Variants in UBE3C observed in about 807,000 individuals in gnomAD.
UBE3C encodes the protein ubiquitin protein ligase E3C.
UBE3C carries 42 observed loss-of-function variants against 129.4 expected under a neutral mutation model. The observed-to-expected ratio is 0.32, with a 90% CI of 0.25 to 0.42. UBE3C has a LOEUF of 0.42. UBE3C is among the 10% of genes least tolerant of loss of function. The pLI is 1.00. For synonymous variants in UBE3C, 510 were observed against 492.4 expected, an observed-to-expected ratio of 1.04 and a Z score of -0.47; for missense variants, 1,049 against 1,319.1, an observed-to-expected ratio of 0.80 and a Z score of 3.17.
intron 18 of UBE3C, among the ~76,000 whole-genome samples, chr7:157,237,208 G>A (rs1329146663): frequency 1.3e-5 from 2 of 152,070 alleles, no homozygotes; most frequent in Non-Finnish European, 2.9e-5. Flanking sequence ...TTGGGAGGCC[G>A]AGGTGGGCAG....
intron 18 of UBE3C, among the ~76,000 whole-genome samples, chr7:157,241,958 A>G (rs1358733748): frequency 6.6e-6 from 1 of 152,178 alleles, no homozygotes; most frequent in Admixed American, 6.5e-5. Context: ...AAACAGGAAA[A>G]TCTAGAGACA....
Position 157,267,686 on chromosome 7 carries a change from T to C in UBE3C, c.3183T>C (p.Tyr1061=). The C allele has an allele frequency of 6.2e-6, 10 of 1,613,706 alleles. No homozygotes were observed. The highest frequency in any genetic ancestry group is 7.6e-6 in the Non-Finnish European group (9 of 1,179,888). The change falls in exon 23 of 23, where the codon TAT becomes TAC. Residue 1061 remains tyrosine, a synonymous_variant. Coordinates refer to ENST00000348165, the MANE Select transcript of UBE3C (RefSeq NM_014671.3). ...ACCTGCTGAAGCTCCCCGAGTTCTA[T>C]GACGAGACACTTTTGCGAAGTAAAC... ...CMNLLKLPEF[Y]DETLLRSKLL...
chr7:157,250,412 C>T (rs1412908150), intron 19 of UBE3C, among the ~76,000 whole-genome samples: 3 of 152,046 alleles, frequency 2.0e-5, no homozygotes, highest in African/African-American at 7.2e-5. Context: ...ATCTCAAATT[C>T]CTGAGCTCAA....
chr7:157,202,840 G>A (rs190501761), intron 11 of UBE3C, among the ~76,000 whole-genome samples: 48 of 152,270 alleles, frequency 3.2e-4, no homozygotes, highest in African/African-American at 9.9e-4. Context: ...ATTCGGTGGT[G>A]GGAAGACACA....
At chr7:157,242,289 T>G (rs780671614) in intron 18 of UBE3C, among the ~76,000 whole-genome samples, 15 of 152,318 alleles carry the variant, frequency 9.8e-5, no homozygotes, top group Middle Eastern at 3.4e-3. Context: ...GATTAGAGCA[T>G]GAGCTGTTGT....
chr7:157,192,486 A>G, intron 10 of UBE3C: 1 of 757,252 alleles, frequency 1.3e-6, no homozygotes, highest in Non-Finnish European at 2.4e-6. Context: ...CCTCCTGATC[A>G]GCAAAGACTG....
intron 10 of UBE3C, among the ~76,000 whole-genome samples, chr7:157,199,227 T>G (rs1809209859): frequency 6.6e-6 from 1 of 152,236 alleles, no homozygotes; most frequent in South Asian, 2.1e-4. Context: ...TAATACCTTT[T>G]CAAATTATTT....
At chr7:157,206,181 CAAGG>C (rs1223578730) in intron 11 of UBE3C, among the ~76,000 whole-genome samples, 10 of 152,284 alleles carry the variant, frequency 6.6e-5, no homozygotes, top group African/African-American at 2.4e-4. Context: ...TTCCATAAGA[CAAGG>C]AACCAGACTT....
Position 157,267,947 on chromosome 7 carries a change from A to G in UBE3C, c.*192A>G, listed in dbSNP as rs77315883. The stretch of plus-strand genomic sequence containing the variant: ...GGTGTGGTCACTTATTTAGATGGAC[A>G]TTGCTTTTCAAATAACTTAAAATAA... On this transcript the variant is annotated 3_prime_UTR_variant, in exon 23 of 23. Coordinates refer to ENST00000348165, the MANE Select transcript of UBE3C (RefSeq NM_014671.3). 2,653 of 480,476 alleles carry G rather than the reference A, an allele frequency of 5.5e-3. 69 individuals carry two copies. The highest frequency in any genetic ancestry group is 0.049 in the African/African-American group (2,443 of 49,452). 29.8% of individuals were successfully genotyped at this position (480,476 alleles called of 1,614,324 possible).
chr7:157,151,184 G>A lies in UBE3C; in HGVS notation c.66+11846G>A, dbSNP rs1188456220. Among the ~76,000 whole-genome samples, 5 of 152,348 alleles carry A rather than the reference G, an allele frequency of 3.3e-5. No homozygotes were observed. In the East Asian group the frequency reaches 7.7e-4, roughly 23 times the overall value. On this transcript the variant is annotated intron_variant, in intron 1 of 22. Coordinates refer to ENST00000348165, the MANE Select transcript of UBE3C (RefSeq NM_014671.3). ...CTGTGGACATAATCCTGAAGCCACC[G>A]TAGAAGGGAGCTTCAGGTTTAGCTT...
Position 157,255,841 on chromosome 7 carries a change from A to G in UBE3C, c.2951-1073A>G, listed in dbSNP as rs75273169. ...CATTTCAGAATAGTGGTCTCATCAT[A>G]TAGTGAGATTGGTTGTTAGCCATGG... On this transcript the variant is annotated intron_variant, in intron 21 of 22. Coordinates refer to ENST00000348165, the MANE Select transcript of UBE3C (RefSeq NM_014671.3). 7.6e-3 allele frequency among the ~76,000 whole-genome samples: 1,157 copies of G among 152,360 alleles called. 8 individuals carry two copies. The highest frequency in any genetic ancestry group is 0.02 in the Middle Eastern group (6 of 294).
rs17837726 is a variant in UBE3C at position 157,207,530 on chromosome 7, C to T, written c.1551C>T (p.Asn517=). ...FSHSLISIHD[N]EFFGDPIEVV... ...ATTCACTAATTTCCATACATGATAA[C>T]GAATTCTTCGGTGATCCCATAGAAG... Residue 517 remains asparagine, a synonymous_variant, in exon 12 of 23, where the codon AAC becomes AAT. Transcript: ENST00000348165. 3.8e-3 allele frequency: 6,112 copies of T among 1,612,638 alleles called. 151 individuals are homozygous for T. In the South Asian group the frequency reaches 0.043, roughly 11 times the overall value.
chr7:157,157,742 A>G (rs1563031957), intron 1 of UBE3C, among the ~76,000 whole-genome samples: 1 of 152,160 alleles, frequency 6.6e-6, no homozygotes, highest in Non-Finnish European at 1.5e-5. Flanking sequence ...TGGGAGGCCA[A>G]GGTGGGTGGA....
chr7:157,191,067 G>T (rs1808949685), intron 10 of UBE3C, among the ~76,000 whole-genome samples: 1 of 152,138 alleles, frequency 6.6e-6, no homozygotes, highest in South Asian at 2.1e-4. Context: ...GTTATAATTT[G>T]CCCGTAGTTT....
intron 2 of UBE3C, among the ~76,000 whole-genome samples, chr7:157,166,275 C>T (rs1268777396): frequency 6.6e-6 from 1 of 152,196 alleles, no homozygotes; most frequent in Non-Finnish European, 1.5e-5. Flanking sequence ...TGTCTTGAAG[C>T]TTTCAAATGT....
rs549203106 is a variant in UBE3C, at chr7:157,230,794, G to A, written c.2234-286G>A. Among the ~76,000 whole-genome samples the A allele has an allele frequency of 2.7e-4, 41 of 151,916 alleles. 1 individual carries two copies. The South Asian group carries it at 6.9e-3, about 25-fold the overall frequency. ...CCCGAGCCACATCGGCCTGTGGGCT[G>A]CAGGTTGAGGACAAGCTTGCTGTAG... On this transcript the variant is annotated intron_variant, in intron 17 of 22. Coordinates refer to ENST00000348165, the MANE Select transcript of UBE3C (RefSeq NM_014671.3).
intron 11 of UBE3C, among the ~76,000 whole-genome samples, chr7:157,203,743 CT>C (rs1346259534): frequency 1.3e-5 from 2 of 152,078 alleles, no homozygotes; most frequent in African/African-American, 4.8e-5. Flanking sequence ...TGTCTTTTTA[CT>C]TGTTTATTAG....
At chr7:157,152,952 T>C (rs966488884) in intron 1 of UBE3C, among the ~76,000 whole-genome samples, 15 of 152,120 alleles carry the variant, frequency 9.9e-5, no homozygotes, top group Non-Finnish European at 2.1e-4. Context: ...TCCTAGCACT[T>C]TGGGAGGCTG....
At chr7:157,177,555 T>C (rs1322078557) in intron 5 of UBE3C, among the ~76,000 whole-genome samples, 1 of 152,216 alleles carries the variant, frequency 6.6e-6, no homozygotes, top group African/African-American at 2.4e-5. Flanking sequence ...CCGCTGCCCT[T>C]TGCGTCCCAG....
Sources: allele counts gnomAD v4.1 joint callset (sites outside exome capture counted in the v4.1 genomes callset), GRCh38; gene constraint gnomAD v4.1.1; transcripts MANE v1.5; gene names NCBI Gene and HGNC (gene_info 2026-07-23, HGNC 2026-07-21).